Variants in SLC35A2 observed in about 807,000 individuals in gnomAD.
The protein encoded by SLC35A2 is UDP-galactose translocator.
In SLC35A2, 1 loss-of-function variant was observed where a neutral mutation model predicts 17.3. The ratio of observed to expected loss-of-function variants is 0.06; its 90% CI spans 0.02 to 0.27. SLC35A2 has a LOEUF of 0.27. Ranked by LOEUF, SLC35A2 falls within the 10% of genes least tolerant of loss-of-function variation. SLC35A2 has a pLI of 1.00. For missense variants in SLC35A2, 191 were observed against 339.3 expected, an observed-to-expected ratio of 0.56 and a Z score of 3.43; for synonymous variants, 161 against 161.3, an observed-to-expected ratio of 1.00 and a Z score of 0.01.
intron 1 of SLC35A2, among the ~76,000 whole-genome samples, chrX:48,910,898 T>C (rs1029815412): frequency 3.6e-5 from 4 of 109,888 alleles, no homozygotes; most frequent in Admixed American, 1.9e-4. Context: ...ACACGGACCC[T>C]CTAGCTAATG....
At chrX:48,906,147 G>A in intron 3 of SLC35A2, 1 of 445,802 alleles carries the variant, frequency 2.2e-6, no homozygotes, top group Non-Finnish European at 3.9e-6. Context: ...AAGCTTATCT[G>A]TCACCAATCA....
chrX:48,905,347 C>T lies in SLC35A2; in HGVS notation c.562G>A (p.Gly188Ser), dbSNP rs1023107993. 3.4e-6 allele frequency: 4 copies of T among 1,184,493 alleles called. No individual in the cohort carries two copies. Among genetic ancestry groups the T allele is most frequent in the Admixed American group, 4.9e-5 (2 of 40,529 alleles). The change falls in exon 4 of 5, where the codon GGT (glycine) becomes AGT (serine). Residue 188 changes from glycine to serine, a missense_variant. By Grantham distance (56) the Gly-to-Ser change is moderately conservative. Around this residue, in one of 2 missense-constraint regions of SLC35A2, gnomAD observed 164 missense variants for 315.3 expected, o/e 0.52. Coordinates refer to ENST00000247138, the MANE Select transcript of SLC35A2 (RefSeq NM_005660.3). Reference protein sequence around the residue: ...GVAIVQAQQAGGGGPRPLDQN... With the variant: ...GVAIVQAQQASGGGPRPLDQN... ...TCCAGTGGCCGTGGGCCTCCCCCAC[C>T]GGCTTGCTGTGCCTGGACAATGGCG...
intron 1 of SLC35A2, 108 bp downstream of exon 1, chrX:48,911,438 A>G: frequency 1.1e-6 from 1 of 948,278 alleles, no homozygotes; most frequent in Admixed American, 2.6e-5. Flanking sequence ...ACACACACAC[A>G]CGTCGGTCCA....
intron 1 of SLC35A2, chrX:48,911,339 C>T (rs1254632125): frequency 1.9e-6 from 1 of 517,422 alleles, no homozygotes; most frequent in African/African-American, 2.3e-5. Context: ...TCACAATGGT[C>T]TCTACTCTCC....
At chrX:48,908,459 C>G (rs1242229138) in intron 2 of SLC35A2, among the ~76,000 whole-genome samples, 1 of 110,948 alleles carries the variant, frequency 9.0e-6, no homozygotes, top group Admixed American at 9.7e-5. Flanking sequence ...ACTCCACAGG[C>G]AAAACTTCTT....
chrX:48,910,072 C>T (rs1557043704), intron 1 of SLC35A2, 76 bp from the exon 2 acceptor site: 8 of 974,336 alleles, frequency 8.2e-6, no homozygotes, highest in Non-Finnish European at 1.0e-5. Context: ...ACCACCCACC[C>T]CCTTTCTTTC....
At chrX:48,904,429 C>CA (rs1192652304) in intron 4 of SLC35A2, 1 of 1,088,321 alleles carries the variant, frequency 9.2e-7, no homozygotes, top group South Asian at 2.4e-5. Flanking sequence ...AGGGAGCAGA[C>CA]AAAAAAAAGG....
At chrX:48,911,796 CCCGG>C (rs1359405363), upstream of SLC35A2, 69 of 1,166,482 alleles carry the variant, frequency 5.9e-5, no homozygotes, top group Non-Finnish European at 7.8e-5. Flanking sequence ...TATGAATAGC[CCCGG>C]GATTTCCAAA....
Position 48,905,066 on chromosome X carries a change from G to T in SLC35A2, c.843C>A (p.Gly281=). 8.3e-7 allele frequency: 1 copy of T among 1,211,288 alleles called. No homozygotes were observed. Among genetic ancestry groups the T allele is most frequent in the Admixed American group, 2.2e-5 (1 of 46,052 alleles). The change falls in exon 4 of 5, where the codon GGC becomes GGA. Residue 281 remains glycine, a synonymous_variant. Coordinates refer to ENST00000247138, the MANE Select transcript of SLC35A2 (RefSeq NM_005660.3). ...VWGVVLNQAF[G]GLLVAVVVKY... ...TGACAACCACAGCCACCAGTAGCCC[G>T]CCGAAGGCCTGGTTGAGCACCACGC...
upstream of SLC35A2, chrX:48,911,923 G>A (rs1557044237): frequency 8.6e-7 from 1 of 1,167,296 alleles, no homozygotes; most frequent in Admixed American, 2.6e-5. Flanking sequence ...CCGTTCGTCC[G>A]CTTCACTGAT....
At chrX:48,906,618 C>G in intron 2 of SLC35A2, 75 bp from the exon 3 acceptor site, 1 of 1,004,643 alleles carries the variant, frequency 1.0e-6, no homozygotes, top group Non-Finnish European at 1.4e-6. Flanking sequence ...GGGAACAGGC[C>G]TTGCTCCTGT....
chrX:48,904,459 C>A, intron 4 of SLC35A2: 3 of 1,097,908 alleles, frequency 2.7e-6, no homozygotes, highest in Non-Finnish European at 3.6e-6. Flanking sequence ...ACAATACCCC[C>A]AACCCTGCCT....
Position 48,910,223 on chromosome X carries a change from C to T in SLC35A2, c.92-227G>A, listed in dbSNP as rs2063522488. Reference sequence around the variant, plus strand: ...AGGGAGAAATGGGCCCCACCCTGTCCCAGTCCATACCTGGAATCCTTACTG... The same window carrying T: ...AGGGAGAAATGGGCCCCACCCTGTCTCAGTCCATACCTGGAATCCTTACTG... On this transcript the variant is annotated intron_variant, in intron 1 of 4. Coordinates refer to ENST00000247138, the MANE Select transcript of SLC35A2 (RefSeq NM_005660.3). 5.3e-6 allele frequency: 6 copies of T among 1,121,921 alleles called. No individual in the cohort carries two copies. In the African/African-American group the frequency reaches 1.1e-4, roughly 20 times the overall value. 92.5% of individuals were successfully genotyped at this position (1,121,921 alleles called of 1,213,427 possible). A position where few individuals can be genotyped will look rare whatever the true frequency, so the allele number is the denominator to read the frequency against.
Position 48,903,374 on chromosome X carries a change from G to A in SLC35A2, c.*64C>T. ...TACCCCTAATACTGATCAGAGTTTG[G>A]TCCCAGCTGGGCCAAGGGCAAGAAG... On this transcript the variant is annotated 3_prime_UTR_variant, in exon 5 of 5. Transcript: ENST00000247138. 1 of 580,237 alleles carries A rather than the reference G, an allele frequency of 1.7e-6. No individual in the cohort carries two copies. Among genetic ancestry groups the A allele is most frequent in the Non-Finnish European group, 3.1e-6 (1 of 320,472 alleles). 47.8% of individuals were successfully genotyped at this position (580,237 alleles called of 1,213,427 possible). A position where few individuals can be genotyped will look rare whatever the true frequency, so the allele number is the denominator to read the frequency against.
intron 2 of SLC35A2, among the ~76,000 whole-genome samples, chrX:48,907,392 C>T (rs188222982): frequency 3.7e-4 from 40 of 107,490 alleles, no homozygotes; most frequent in Non-Finnish European, 5.8e-4. Flanking sequence ...GGACTACAGG[C>T]GCGTGCCACC....
At chrX:48,907,441 G>A (rs1243756527) in intron 2 of SLC35A2, among the ~76,000 whole-genome samples, 1 of 110,449 alleles carries the variant, frequency 9.1e-6, no homozygotes, top group African/African-American at 3.3e-5. Flanking sequence ...TAGAGATGGG[G>A]CTTCACCGTG....
In SLC35A2 at chrX:48,909,836, C is replaced by T. The variant is rs1557043621; in HGVS notation, c.252G>A (p.Leu84=). 8 of 1,209,758 alleles carry T rather than the reference C, an allele frequency of 6.6e-6. No individual in the cohort carries two copies. Among genetic ancestry groups the T allele is most frequent in the Non-Finnish European group, 8.9e-6 (8 of 894,320 alleles). ...TACCCCTCTTCTGTGCGAAGAGCAGCAGCAGGCAGGTGAGACCTTTGAGCA... is the reference window on the plus strand; with the variant it reads ...TACCCCTCTTCTGTGCGAAGAGCAGTAGCAGGCAGGTGAGACCTTTGAGCA... ...AEVLKGLTCL[L]LLFAQKRGNV... The change falls in exon 2 of 5, where the codon CTG becomes CTA. Residue 84 remains leucine (L), a synonymous_variant. Transcript: ENST00000247138.
chrX:48,907,695 G>A (rs2063501144), intron 2 of SLC35A2, among the ~76,000 whole-genome samples: 2 of 112,193 alleles, frequency 1.8e-5, no homozygotes, highest in African/African-American at 6.5e-5. Context: ...TGACCATTAA[G>A]CAGAAGTCCG....
At chrX:48,911,785 G>A, upstream of SLC35A2, 1 of 1,167,291 alleles carries the variant, frequency 8.6e-7, no homozygotes. Flanking sequence ...AAAGCTCAAT[G>A]TATGAATAGC....
Sources: gnomAD v4.1 joint callset for allele counts (sites outside exome capture counted in the v4.1 genomes callset) on GRCh38, gnomAD v4.1.1 for gene constraint, gnomAD v4.1.1 regional missense constraint, MANE v1.5 for transcripts, NCBI Gene and HGNC (gene_info 2026-07-23, HGNC 2026-07-21) for gene names.